TMEM30A: variants seen among roughly 807,000 people sequenced by gnomAD.
TMEM30A encodes the protein cell division cycle 50 P4-ATPase accessory subunit A, also known as cell cycle control protein 50A.
Under a neutral mutation model 38.2 loss-of-function variants are expected in TMEM30A, and 24 were observed. That is an observed-to-expected ratio of 0.63 (90% CI 0.46 to 0.88). The LOEUF (loss-of-function observed/expected upper bound fraction) is 0.88, where lower values mean the gene tolerates loss of function less well. Ranked by LOEUF, TMEM30A falls within the 40% of genes least tolerant of loss-of-function variation. The pLI, the probability that TMEM30A is intolerant of heterozygous loss-of-function variation, is 0.00. For synonymous variants in TMEM30A, 145 were observed against 161.6 expected (o/e 0.90, Z 0.78); for missense variants, 370 against 458.6 (o/e 0.81, Z 1.77).
At chr6:75,270,896 A>G (rs1434042717) in intron 1 of TMEM30A, among the ~76,000 whole-genome samples, 2 of 152,256 alleles carry the variant, frequency 1.3e-5, no homozygotes, top group Non-Finnish European at 2.9e-5. Context: ...AGCTAGTCAC[A>G]TAACTAAAAC....
At chr6:75,267,593 T>C in intron 2 of TMEM30A, 48 bp downstream of exon 2, 1 of 1,368,150 alleles carries the variant, frequency 7.3e-7, no homozygotes, top group Admixed American at 1.8e-5. Flanking sequence ...ACAGTATCAG[T>C]ATTTTTTAAA....
At chr6:75,278,308 G>A (rs77782013) in intron 1 of TMEM30A, among the ~76,000 whole-genome samples, 17 of 152,066 alleles carry the variant, frequency 1.1e-4, no homozygotes, top group African/African-American at 3.9e-4. Context: ...GCAACCCCTC[G>A]CCTCAATTTC....
At position 75,271,695 on chromosome 6, in the gene TMEM30A, A is replaced by G. The variant is rs533525100; in HGVS notation, c.238-3947T>C. Among the ~76,000 whole-genome samples, 252 of 152,328 alleles carry G rather than the reference A, an allele frequency of 1.7e-3. 1 individual carries two copies. Among genetic ancestry groups the G allele is most frequent in the Non-Finnish European group, 2.8e-3 (189 of 68,018 alleles). Reference sequence around the variant, plus strand: ...TTCAGAAACTTGTCCAAGGTCACACAAGTAGTAATAGCTAGTGCTAAGCTG... The same window carrying G: ...TTCAGAAACTTGTCCAAGGTCACACGAGTAGTAATAGCTAGTGCTAAGCTG... On this transcript the variant is annotated intron_variant, in intron 1 of 6. Coordinates refer to ENST00000230461, the MANE Select transcript of TMEM30A (RefSeq NM_018247.4).
At chr6:75,284,125 T>A in intron 1 of TMEM30A, 2 of 451,434 alleles carry the variant, frequency 4.4e-6, no homozygotes, top group East Asian at 4.6e-5. Context: ...GTTCTCCACC[T>A]GACCTATCTT....
chr6:75,266,567 G>A (rs1398327312), intron 2 of TMEM30A, among the ~76,000 whole-genome samples: 1 of 152,202 alleles, frequency 6.6e-6, no homozygotes, highest in Non-Finnish European at 1.5e-5. Context: ...AAGAAACACA[G>A]AGTCCACAAG....
At chr6:75,282,325 G>C (rs16886402) in intron 1 of TMEM30A, among the ~76,000 whole-genome samples, 1,564 of 152,214 alleles carry the variant, frequency 0.01, 27 homozygotes, top group Middle Eastern at 0.031. Flanking sequence ...TTACACATGA[G>C]AGCCATTTGA....
At position 75,253,593 on chromosome 6, in the gene TMEM30A, G is replaced by T. The variant is rs1411906949; in HGVS notation, c.*2509C>A. The T allele has an allele frequency of 6.6e-6, 1 of 152,516 alleles. No homozygotes were observed. The highest frequency in any genetic ancestry group is 1.5e-5 in the Non-Finnish European group (1 of 67,998). The allele number at this position is 152,516 out of a possible 1,614,324, so 9.4% of individuals were successfully genotyped here. A position where few individuals can be genotyped will look rare whatever the true frequency, so the allele number is the denominator to read the frequency against. ...CACTGGAGCATTGTTATTTTATCAA[G>T]ACACCTGAACATAGCAAAATTAATT... On this transcript the variant is annotated 3_prime_UTR_variant, in exon 7 of 7. Transcript: ENST00000230461.
chr6:75,260,803 A>G (rs1288531940), intron 4 of TMEM30A, 21 bp downstream of exon 4: 1 of 1,458,268 alleles, frequency 6.9e-7, no homozygotes, highest in Non-Finnish European at 9.3e-7. Flanking sequence ...ATATATGTCT[A>G]TATTTGTATC....
At chr6:75,270,079 C>G (rs1287642998) in intron 1 of TMEM30A, among the ~76,000 whole-genome samples, 1 of 152,180 alleles carries the variant, frequency 6.6e-6, no homozygotes, top group Non-Finnish European at 1.5e-5. Flanking sequence ...GCTGAGATTA[C>G]AGGTGTAAGT....
intron 1 of TMEM30A, among the ~76,000 whole-genome samples, chr6:75,271,553 A>G (rs1018889773): frequency 2.6e-5 from 4 of 152,224 alleles, no homozygotes; most frequent in African/African-American, 4.8e-5. Context: ...TACAAGATAC[A>G]CACAAAAGCA....
In TMEM30A at chr6:75,253,306, T is replaced by G. The variant is rs1771812158; in HGVS notation, c.*2796A>C. ...GGTTTTTCCTGTGTACCCCACTTCA[T>G]TATTTCCATCATGCTTACCTCTCTG... On this transcript the variant is annotated 3_prime_UTR_variant, in exon 7 of 7. Coordinates refer to ENST00000230461, the MANE Select transcript of TMEM30A (RefSeq NM_018247.4). 1 of 152,172 alleles carries G rather than the reference T, an allele frequency of 6.6e-6. No homozygotes were observed. Among genetic ancestry groups the G allele is most frequent in the Admixed American group, 6.6e-5 (1 of 15,264 alleles). 9.4% of individuals were successfully genotyped at this position (152,172 alleles called of 1,614,324 possible).
In TMEM30A at chr6:75,265,271, C is replaced by T. The variant is rs776700509; in HGVS notation, c.413G>A (p.Arg138Gln). Residue 138 changes from arginine to glutamine, a missense_variant, in exon 3 of 7, where the codon CGA (arginine) becomes CAA (glutamine). Arg to Gln is a conservative substitution (Grantham distance 43). Transcript: ENST00000230461. ...YQNHRRYVKS[R>Q]DDSQLNGDSS... is the part of the protein sequence containing the mutation. Reference sequence around the variant, plus strand: ...ATCTCCATTTAGTTGACTATCATCTCGAGATTTCACGTAACGACGATGGTT... The same window carrying T: ...ATCTCCATTTAGTTGACTATCATCTTGAGATTTCACGTAACGACGATGGTT... 3 of 1,611,110 alleles carry T rather than the reference C, an allele frequency of 1.9e-6. No individual in the cohort carries two copies. Among genetic ancestry groups the T allele is most frequent in the African/African-American group, 1.3e-5 (1 of 74,786 alleles).
At chr6:75,260,738 T>A (rs756253025) in intron 4 of TMEM30A, 86 bp downstream of exon 4, 2 of 769,186 alleles carry the variant, frequency 2.6e-6, no homozygotes, top group Non-Finnish European at 3.9e-6. Flanking sequence ...CTCAATTTCA[T>A]TCATGTTTAC....
intron 3 of TMEM30A, among the ~76,000 whole-genome samples, chr6:75,263,195 G>C (rs1772002726): frequency 6.6e-6 from 1 of 152,156 alleles, no homozygotes; most frequent in Non-Finnish European, 1.5e-5. Context: ...TAAGCAAAGA[G>C]AACACCACAT....
At chr6:75,268,747 G>A (rs1772114060) in intron 1 of TMEM30A, among the ~76,000 whole-genome samples, 1 of 152,108 alleles carries the variant, frequency 6.6e-6, no homozygotes, top group African/African-American at 2.4e-5. Context: ...GAGGTAGTGA[G>A]AATGGTCTTG....
At chr6:75,263,777 A>G (rs1772014321) in intron 3 of TMEM30A, among the ~76,000 whole-genome samples, 1 of 152,228 alleles carries the variant, frequency 6.6e-6, no homozygotes, top group African/African-American at 2.4e-5. Flanking sequence ...GGCCTTACAC[A>G]TAATATCTGA....
chr6:75,269,646 T>C (rs1226922092), intron 1 of TMEM30A, among the ~76,000 whole-genome samples: 1 of 152,208 alleles, frequency 6.6e-6, no homozygotes, highest in Non-Finnish European at 1.5e-5. Context: ...TCAACCCACT[T>C]GGCTAAATAC....
rs1348475862 is a variant in TMEM30A at position 75,253,026 on chromosome 6, A to C, written c.*3076T>G. 6.6e-6 allele frequency: 1 copy of C among 152,068 alleles called. No homozygotes were observed. The allele number at this position is 152,068 out of a possible 1,614,324, so 9.4% of individuals were successfully genotyped here. On this transcript the variant is annotated 3_prime_UTR_variant, in exon 7 of 7. Transcript: ENST00000230461. ...GTGCATGGGATAAAAAGGGGTTCTA[A>C]AACACTTTACTAGATCATCCAAACC...
chr6:75,255,104 A>T lies in TMEM30A; in HGVS notation c.*998T>A, dbSNP rs1183210710. 6.6e-6 allele frequency: 1 copy of T among 152,540 alleles called. No homozygotes were observed. The highest frequency in any genetic ancestry group is 1.9e-4 in the East Asian group (1 of 5,206). The allele number at this position is 152,540 out of a possible 1,614,324, so 9.4% of individuals were successfully genotyped here. ...TATGCAAAAGTGGAATGAAATACAT[A>T]GGAAATTAAGGTTACTGCTTTCAAA... On this transcript the variant is annotated 3_prime_UTR_variant, in exon 7 of 7. Transcript: ENST00000230461.
Sources: gnomAD v4.1 joint callset for allele counts (sites outside exome capture counted in the v4.1 genomes callset) on GRCh38, gnomAD v4.1.1 for gene constraint, MANE v1.5 for transcripts, NCBI Gene and HGNC (gene_info 2026-07-23, HGNC 2026-07-21) for gene names.